The following HS6ST2 variants were observed in gnomAD, a reference collection of about 807,000 sequenced individuals.
The protein encoded by HS6ST2 is heparan-sulfate 6-O-sulfotransferase 2.
In HS6ST2, 17 loss-of-function variants were observed where a neutral mutation model predicts 33.0. The ratio of observed to expected loss-of-function variants is 0.52; its 90% CI spans 0.35 to 0.77. The LOEUF is 0.77. Among genes scored for constraint, HS6ST2 ranks in the 30% least tolerant of loss-of-function variants. The pLI is 0.01. For missense variants in HS6ST2, 519 were observed against 551.7 expected, an observed-to-expected ratio of 0.94 and a Z score of 0.59; for synonymous variants, 248 against 237.1, an observed-to-expected ratio of 1.05 and a Z score of -0.42.
intron 2 of HS6ST2, among the ~76,000 whole-genome samples, chrX:132,906,288 T>C (rs2066474659): frequency 8.9e-6 from 1 of 112,324 alleles, no homozygotes; most frequent in Non-Finnish European, 1.9e-5. Flanking sequence ...ACACTGCAAA[T>C]GACATATTTC....
At chrX:132,882,741 A>C (rs1252614297) in intron 2 of HS6ST2, among the ~76,000 whole-genome samples, 2 of 111,018 alleles carry the variant, frequency 1.8e-5, no homozygotes, top group Non-Finnish European at 3.8e-5. Context: ...TTGCCCATTC[A>C]GTATGATATT....
chrX:132,798,510 T>C (rs2065206746), intron 2 of HS6ST2, among the ~76,000 whole-genome samples: 1 of 111,843 alleles, frequency 8.9e-6, no homozygotes, highest in East Asian at 2.8e-4. Context: ...GTATTACTCA[T>C]TCAGGCTTCA....
intron 2 of HS6ST2, among the ~76,000 whole-genome samples, chrX:132,892,423 G>A (rs1204337990): frequency 8.9e-6 from 1 of 111,857 alleles, no homozygotes; most frequent in Admixed American, 9.5e-5. Flanking sequence ...AAGATTCCCA[G>A]GTGATATGTA....
intron 2 of HS6ST2, among the ~76,000 whole-genome samples, chrX:132,831,382 C>G (rs1467129866): frequency 9.0e-6 from 1 of 111,262 alleles, no homozygotes; most frequent in East Asian, 2.8e-4. Context: ...AACAAAATAG[C>G]CTTCCAGTTT....
chrX:132,893,929 G>C (rs970331596), intron 2 of HS6ST2, among the ~76,000 whole-genome samples: 1 of 110,943 alleles, frequency 9.0e-6, no homozygotes, highest in African/African-American at 3.3e-5. Flanking sequence ...CATCCCAGGA[G>C]CTTCATCCAG....
intron 2 of HS6ST2, among the ~76,000 whole-genome samples, chrX:132,828,072 T>C (rs1271260399): frequency 9.0e-6 from 1 of 111,710 alleles, no homozygotes; most frequent in South Asian, 3.8e-4. Context: ...GATCCACTTT[T>C]AATCTACTTC....
chrX:132,744,770 A>G (rs1408140655), intron 2 of HS6ST2, among the ~76,000 whole-genome samples: 1 of 111,529 alleles, frequency 9.0e-6, no homozygotes, highest in African/African-American at 3.3e-5. Context: ...AAAAGCCCCA[A>G]AGTCAAAGAT....
chrX:132,741,060 C>A (rs746169338), intron 2 of HS6ST2, among the ~76,000 whole-genome samples: 1 of 111,803 alleles, frequency 8.9e-6, no homozygotes, highest in African/African-American at 3.2e-5. Context: ...TTTGGGCATA[C>A]AATTGTCAGT....
intron 4 of HS6ST2, among the ~76,000 whole-genome samples, chrX:132,643,940 G>A (rs922416958): frequency 6.3e-5 from 7 of 111,770 alleles, no homozygotes; most frequent in South Asian, 3.7e-4. Flanking sequence ...TGCGTGCTGC[G>A]TGAGCCACCT....
chrX:132,723,797 T>TA (rs773206898), intron 2 of HS6ST2, among the ~76,000 whole-genome samples: 13 of 111,899 alleles, frequency 1.2e-4, no homozygotes, highest in Non-Finnish European at 2.1e-4. Context: ...TGTTAACCAA[T>TA]ATAGTACTGA....
rs933503544 is a variant in HS6ST2, at chrX:132,856,841, T to C, written c.947+99967A>G. 7.1e-5 allele frequency among the ~76,000 whole-genome samples: 8 copies of C among 112,055 alleles called. No individual in the cohort carries two copies. The Admixed American group carries it at 7.6e-4, about 11-fold the overall frequency. ...AAATTATCTTTGAGAGGATATTTAC[T>C]ATAAGCAGTCAAGATTTAAACAAAT... On this transcript the variant is annotated intron_variant, in intron 2 of 4. Coordinates refer to ENST00000370833, the MANE Select transcript of HS6ST2 (RefSeq NM_001394073.1).
At position 132,780,956 on chromosome X, in the gene HS6ST2, A is replaced by C. The variant is rs941938034; in HGVS notation, c.948-72462T>G. Among the ~76,000 whole-genome samples, 6 of 109,093 alleles carry C rather than the reference A, an allele frequency of 5.5e-5. No individual in the cohort carries two copies. In the South Asian group the frequency reaches 2.4e-3, roughly 43 times the overall value. The allele number at this position is 109,093 out of a possible 115,157, so 94.7% of individuals were successfully genotyped here. On this transcript the variant is annotated intron_variant, in intron 2 of 4. Coordinates refer to ENST00000370833, the MANE Select transcript of HS6ST2 (RefSeq NM_001394073.1). ...AGATGTTATTATCCACCATATACCT[A>C]CAATCAAGCCAATCTACACACCATC... is the stretch of plus-strand genomic sequence containing the variant.
chrX:132,682,710 A>G (rs2063982380), intron 3 of HS6ST2, among the ~76,000 whole-genome samples: 1 of 105,789 alleles, frequency 9.5e-6, no homozygotes, highest in Non-Finnish European at 1.9e-5. Flanking sequence ...GGCTTGTGAG[A>G]GGCCAGTTCA....
chrX:132,670,718 C>G (rs2063864209), intron 3 of HS6ST2, among the ~76,000 whole-genome samples: 1 of 112,550 alleles, frequency 8.9e-6, no homozygotes, highest in African/African-American at 3.2e-5. Flanking sequence ...GAGGCTGAGG[C>G]AGGAGAATAG....
intron 2 of HS6ST2, among the ~76,000 whole-genome samples, chrX:132,901,494 TA>T (rs2066425688): frequency 9.0e-6 from 1 of 111,403 alleles, no homozygotes; most frequent in South Asian, 3.8e-4. Context: ...GCAAAGAGTT[TA>T]AAAGGACCAA....
intron 2 of HS6ST2, among the ~76,000 whole-genome samples, chrX:132,865,468 TTTATA>T (rs1337969312): frequency 9.1e-6 from 1 of 109,822 alleles, no homozygotes; most frequent in Non-Finnish European, 1.9e-5. Flanking sequence ...AGCAGCATGA[TTTATA>T]GTCCTTTGGG....
intron 2 of HS6ST2, among the ~76,000 whole-genome samples, chrX:132,896,403 G>A (rs1217968097): frequency 6.5e-5 from 7 of 108,364 alleles, no homozygotes; most frequent in Admixed American, 9.9e-5. Flanking sequence ...CCCAGGAGGC[G>A]GAGCTTGTAG....
At chrX:132,860,130 T>C (rs2065897090) in intron 2 of HS6ST2, among the ~76,000 whole-genome samples, 1 of 111,937 alleles carries the variant, frequency 8.9e-6, no homozygotes. Flanking sequence ...GTGGGTAATT[T>C]GTTGATTTTT....
chrX:132,875,940 A>C (rs891784891), intron 2 of HS6ST2, among the ~76,000 whole-genome samples: 2 of 103,910 alleles, frequency 1.9e-5, no homozygotes, highest in Admixed American at 2.1e-4. Flanking sequence ...GTGATCCAAG[A>C]AAAAAAAAAA....
Sources: allele counts gnomAD v4.1 joint callset (sites outside exome capture counted in the v4.1 genomes callset), GRCh38; gene constraint gnomAD v4.1.1; transcripts MANE v1.5; gene names NCBI Gene and HGNC (gene_info 2026-07-23, HGNC 2026-07-21).